Variants in GTF2A1L observed in about 807,000 individuals in gnomAD.
GTF2A1L encodes the protein general transcription factor IIA subunit 1 like.
Under a neutral mutation model 49.7 loss-of-function variants are expected in GTF2A1L, and 48 were observed. The ratio of observed to expected loss-of-function variants is 0.97; its 90% CI spans 0.77 to 1.23. The LOEUF is 1.23. GTF2A1L is among the 50% of genes most tolerant of loss of function. The pLI is 0.00. For missense variants in GTF2A1L, 736 were observed against 564.8 expected (o/e 1.30, Z -3.07); for synonymous variants, 246 against 193.5 (o/e 1.27, Z -2.25).
chr2:48,659,459 A>G (rs1678368435), intron 6 of GTF2A1L, among the ~76,000 whole-genome samples: 1 of 152,070 alleles, frequency 6.6e-6, no homozygotes. Context: ...GCTATTTGGC[A>G]TTCCTTGAGA....
intron 7 of GTF2A1L, among the ~76,000 whole-genome samples, chr2:48,670,859 T>C (rs1165819903): frequency 2.0e-5 from 3 of 152,166 alleles, no homozygotes; most frequent in Non-Finnish European, 4.4e-5. Flanking sequence ...GGTCTTGCTC[T>C]GTTGCCCAGG....
At chr2:48,671,734 A>T (rs1389052609) in intron 8 of GTF2A1L, 54 bp downstream of exon 8, 2 of 1,485,668 alleles carry the variant, frequency 1.3e-6, no homozygotes, top group African/African-American at 2.8e-5. Context: ...TATAGTAGAA[A>T]GGTATGTAAA....
At chr2:48,644,769 G>T (rs140395784) in intron 4 of GTF2A1L, among the ~76,000 whole-genome samples, 1 of 152,144 alleles carries the variant, frequency 6.6e-6, no homozygotes, top group African/African-American at 2.4e-5. Context: ...TCTTGGGCAA[G>T]TTTTTTGAGT....
At position 48,661,932 on chromosome 2, in the gene GTF2A1L, C is replaced by T. The variant is rs138547818; in HGVS notation, c.979-7790C>T. Among the ~76,000 whole-genome samples the T allele has an allele frequency of 1.3e-3, 204 of 152,168 alleles. 1 individual carries two copies. Among genetic ancestry groups the T allele is most frequent in the African/African-American group, 4.5e-3 (187 of 41,528 alleles). On this transcript the variant is annotated intron_variant, in intron 6 of 8. Coordinates refer to ENST00000403751, the MANE Select transcript of GTF2A1L (RefSeq NM_006872.5). Reference sequence around the variant, plus strand: ...CTGATCGGAAAGAACTAACTCTTGCCGTTTTGCTGTTTTCTATATGTATTT... The same window carrying T: ...CTGATCGGAAAGAACTAACTCTTGCTGTTTTGCTGTTTTCTATATGTATTT...
intron 3 of GTF2A1L, among the ~76,000 whole-genome samples, chr2:48,621,761 A>G (rs149513540): frequency 2.6e-5 from 4 of 152,308 alleles, no homozygotes; most frequent in African/African-American, 7.2e-5. Context: ...ACTGTTTTGG[A>G]TATATAAAAT....
At chr2:48,658,839 C>T (rs893288580) in intron 6 of GTF2A1L, among the ~76,000 whole-genome samples, 1 of 129,684 alleles carries the variant, frequency 7.7e-6, no homozygotes, top group African/African-American at 3.2e-5. Context: ...TGTAATGTCA[C>T]CTTTGTCTTT....
intron 5 of GTF2A1L, among the ~76,000 whole-genome samples, 158 bp downstream of exon 5, chr2:48,645,275 A>G (rs1001977184): frequency 6.6e-6 from 1 of 152,224 alleles, no homozygotes; most frequent in Non-Finnish European, 1.5e-5. Flanking sequence ...TTTGATTGTT[A>G]TAGAGACAAT....
At position 48,631,061 on chromosome 2, in the gene GTF2A1L, A is replaced by T. The variant is rs562225576; in HGVS notation, c.247+9771A>T. ...GATTTTTGCTCTGTGTTCATCAGGGATGTTGGCCTATACTTTTCTTTTTTT... is the reference window on the plus strand; with the variant it reads ...GATTTTTGCTCTGTGTTCATCAGGGTTGTTGGCCTATACTTTTCTTTTTTT... On this transcript the variant is annotated intron_variant, in intron 3 of 8. Coordinates refer to ENST00000403751, the MANE Select transcript of GTF2A1L (RefSeq NM_006872.5). Among the ~76,000 whole-genome samples the T allele has an allele frequency of 4.6e-5, 7 of 152,186 alleles. 1 individual carries two copies. The highest frequency in any genetic ancestry group is 2.6e-4 in the Admixed American group (4 of 15,278).
chr2:48,675,587 A>T (rs139547021), intron 8 of GTF2A1L, among the ~76,000 whole-genome samples: 1 of 152,052 alleles, frequency 6.6e-6, no homozygotes, highest in African/African-American at 2.4e-5. Flanking sequence ...TAAAATTAAT[A>T]TAAGGATTTA....
intron 8 of GTF2A1L, 73 bp from the exon 9 acceptor site, chr2:48,679,262 A>T: frequency 3.9e-6 from 6 of 1,549,094 alleles, no homozygotes; most frequent in Non-Finnish European, 5.2e-6. Flanking sequence ...AATCCCATTT[A>T]CTGTAGCAGA....
In GTF2A1L at chr2:48,618,048, G is replaced by A. The variant is rs907191959; in HGVS notation, c.21+153G>A. On this transcript the variant is annotated intron_variant, in intron 1 of 8. Coordinates refer to ENST00000403751, the MANE Select transcript of GTF2A1L (RefSeq NM_006872.5). ...GGGGCTGGGGCTCTTCTTCACGTCT[G>A]TGTTGGAGGAAGCTGCTGAGGGCCA... The A allele has an allele frequency of 5.1e-6, 4 of 782,976 alleles. No individual in the cohort carries two copies. In the African/African-American group the frequency reaches 7.1e-5, roughly 14 times the overall value. 48.5% of individuals were successfully genotyped at this position (782,976 alleles called of 1,614,324 possible).
chr2:48,636,518 A>T (rs1676895005), intron 3 of GTF2A1L, among the ~76,000 whole-genome samples: 2 of 152,186 alleles, frequency 1.3e-5, no homozygotes, highest in Admixed American at 1.3e-4. Flanking sequence ...TCATGCTAAG[A>T]TGTCTACAGT....
At chr2:48,656,841 G>A (rs1469147163) in intron 6 of GTF2A1L, among the ~76,000 whole-genome samples, 1 of 151,894 alleles carries the variant, frequency 6.6e-6, no homozygotes, top group African/African-American at 2.4e-5. Context: ...CTTATCTTTA[G>A]CTCTTTGATC....
intron 6 of GTF2A1L, among the ~76,000 whole-genome samples, chr2:48,658,417 C>T (rs1183207749): frequency 4.6e-5 from 7 of 152,088 alleles, no homozygotes; most frequent in Admixed American, 1.3e-4. Flanking sequence ...GCTTTAGATG[C>T]ATGGCTTTAT....
chr2:48,675,398 G>A (rs1389114781), intron 8 of GTF2A1L, among the ~76,000 whole-genome samples: 2 of 151,850 alleles, frequency 1.3e-5, no homozygotes, highest in Non-Finnish European at 2.9e-5. Flanking sequence ...TATTTTATTT[G>A]GATTTGATTA....
intron 6 of GTF2A1L, among the ~76,000 whole-genome samples, chr2:48,668,003 T>G (rs1366507280): frequency 1.3e-5 from 2 of 152,192 alleles, no homozygotes; most frequent in Non-Finnish European, 2.9e-5. Context: ...TTCCCAAGAC[T>G]TTCCAGGCTG....
chr2:48,637,436 G>C (rs1676958595), intron 3 of GTF2A1L, among the ~76,000 whole-genome samples: 1 of 152,098 alleles, frequency 6.6e-6, no homozygotes, highest in African/African-American at 2.4e-5. Flanking sequence ...TGAGAACAAA[G>C]ATACAATATA....
intron 3 of GTF2A1L, among the ~76,000 whole-genome samples, chr2:48,626,006 T>C (rs939745458): frequency 4.2e-5 from 6 of 144,516 alleles, no homozygotes; most frequent in African/African-American, 1.5e-4. Context: ...TAAGGTCTTA[T>C]GGTTAGGTCT....
At chr2:48,650,656 A>G (rs1677795490) in intron 6 of GTF2A1L, among the ~76,000 whole-genome samples, 1 of 152,208 alleles carries the variant, frequency 6.6e-6, no homozygotes, top group Non-Finnish European at 1.5e-5. Context: ...AGATGTTTAA[A>G]CCAGATATGT....
Sources: allele counts gnomAD v4.1 joint callset (sites outside exome capture counted in the v4.1 genomes callset), GRCh38; gene constraint gnomAD v4.1.1; transcripts MANE v1.5; gene names NCBI Gene and HGNC (gene_info 2026-07-23, HGNC 2026-07-21).